The following TCF4 variants were observed in gnomAD, a reference collection of about 807,000 sequenced individuals.
TCF4 encodes SL3-3 enhancer factor 2.
Under a neutral mutation model 82.1 loss-of-function variants are expected in TCF4, and 3 were observed. The observed-to-expected ratio is 0.04, with a 90% CI of 0.02 to 0.09. The LOEUF is 0.09. TCF4 is among the 10% of genes least tolerant of loss of function. TCF4 has a pLI of 1.00. For synonymous variants in TCF4, 276 were observed against 309.6 expected (o/e 0.89, Z 1.14); for missense variants, 518 against 852.7 (o/e 0.61, Z 4.89).
At chr18:55,261,242 T>A (rs1460296522) in intron 12 of TCF4, 4 of 594,430 alleles carry the variant, frequency 6.7e-6, no homozygotes, top group Non-Finnish European at 1.2e-5. Flanking sequence ...ACATCCATAA[T>A]TGAGTGCAGC....
At chr18:55,501,256 A>G (rs1000869623) in intron 3 of TCF4, among the ~76,000 whole-genome samples, 2 of 152,136 alleles carry the variant, frequency 1.3e-5, no homozygotes, top group Non-Finnish European at 2.9e-5. Context: ...GCATTTATGC[A>G]GTTTCCAGTG....
intron 5 of TCF4, among the ~76,000 whole-genome samples, chr18:55,433,181 G>A (rs2095249295): frequency 6.6e-6 from 1 of 152,166 alleles, no homozygotes; most frequent in African/African-American, 2.4e-5. Context: ...GCAGAGTCTG[G>A]CAGAACTGTG....
rs573470826 is a variant in TCF4, at chr18:55,633,009, G to A, written c.196-1621C>T. On this transcript the variant is annotated intron_variant, in intron 1 of 20. Transcript: ENST00000398339. The surrounding 1 kb of genome is among the most constrained non-coding windows in gnomAD (Gnocchi z 4.0). ...GGTTGTATATTTGAGTCTTTGGTCA[G>A]TGGATGGTAAATGAAGGTTTTCTTA... Among the ~76,000 whole-genome samples the A allele has an allele frequency of 1.1e-4, 16 of 152,228 alleles. No individual in the cohort carries two copies. Among genetic ancestry groups the A allele is most frequent in the Non-Finnish European group, 2.2e-4 (15 of 68,036 alleles).
In TCF4 at chr18:55,254,731, T is replaced by G. The variant is rs757738749; in HGVS notation, c.1147-31A>C. The G allele has an allele frequency of 2.5e-6, 4 of 1,578,602 alleles. No homozygotes were observed. In the South Asian group the frequency reaches 4.6e-5, roughly 18 times the overall value. ...GGTTAACAAATGATGTAAAATTTGA[T>G]TTAGTTCAAAAGGGGTGCCTAAATT... On this transcript the variant is annotated intron_variant, in intron 14 of 19. Transcript: ENST00000354452.
At chr18:55,404,005 C>G (rs1283022662) in intron 5 of TCF4, 23 of 1,212,960 alleles carry the variant, frequency 1.9e-5, no homozygotes, top group Non-Finnish European at 2.4e-5. Flanking sequence ...CTCTCTCTCT[C>G]TCTCTTTTTT....
At chr18:55,473,885 C>T (rs1254103797) in intron 3 of TCF4, among the ~76,000 whole-genome samples, 3 of 152,132 alleles carry the variant, frequency 2.0e-5, no homozygotes, top group African/African-American at 4.8e-5. Context: ...TGGGTACTGG[C>T]ATAATAAGGA....
chr18:55,585,512 A>C, intron 2 of TCF4, 160 bp from the exon 3 acceptor site: 1 of 734,764 alleles, frequency 1.4e-6, no homozygotes, highest in Non-Finnish European at 2.3e-6. Context: ...AAGAGAAACA[A>C]CATTACAGAT....
At chr18:55,252,408 C>G (rs2055511735) in intron 15 of TCF4, among the ~76,000 whole-genome samples, 1 of 151,770 alleles carries the variant, frequency 6.6e-6, no homozygotes, top group Non-Finnish European at 1.5e-5. Flanking sequence ...AAAGGGGTTT[C>G]TATGTAATAT....
chr18:55,501,604 G>A (rs1603616093), intron 3 of TCF4, among the ~76,000 whole-genome samples: 1 of 151,772 alleles, frequency 6.6e-6, no homozygotes, highest in African/African-American at 2.4e-5. Context: ...TTTTAAAAGA[G>A]ACAGATATGA....
At position 55,587,068 on chromosome 18, in the gene TCF4, T is replaced by A. The variant is rs1003750969; in HGVS notation, c.49A>T (p.Ser17Cys). 1.9e-6 allele frequency: 3 copies of A among 1,613,866 alleles called. No individual in the cohort carries two copies. Among genetic ancestry groups the A allele is most frequent in the Non-Finnish European group, 1.7e-6 (2 of 1,179,960 alleles). Residue 17 changes from serine to cysteine, a missense_variant, in exon 2 of 20, where the codon AGT becomes TGT. Ser to Cys is a moderately radical substitution (Grantham distance 112). Around this residue, in one of 7 missense-constraint regions of TCF4, gnomAD observed 19 missense variants for 54.5 expected, o/e 0.35. Coordinates refer to ENST00000354452, the MANE Select transcript of TCF4 (RefSeq NM_001083962.2). ...ACCGCACTGAAATCCAGTAAATCAC[T>A]CAGCTCTTTGTCCGTCCCTAAGGCA... Reference protein sequence around the residue: ...MAALGTDKELSDLLDFSAMFS... With the variant: ...MAALGTDKELCDLLDFSAMFS...
chr18:55,525,272 C>T (rs576414393), intron 3 of TCF4, among the ~76,000 whole-genome samples: 1 of 151,864 alleles, frequency 6.6e-6, no homozygotes, highest in Non-Finnish European at 1.5e-5. Flanking sequence ...GACATCGCTT[C>T]TTCATTCCAC....
At chr18:55,516,756 T>C (rs1176889630) in intron 3 of TCF4, among the ~76,000 whole-genome samples, 1 of 152,148 alleles carries the variant, frequency 6.6e-6, no homozygotes, top group Non-Finnish European at 1.5e-5. Flanking sequence ...GGAGCTTGCA[T>C]GGTGCATTTG....
chr18:55,356,123 A>G (rs2083455801), intron 6 of TCF4, among the ~76,000 whole-genome samples: 1 of 152,212 alleles, frequency 6.6e-6, no homozygotes, highest in South Asian at 2.1e-4. Context: ...GCCAGGGTCC[A>G]GCACAGAGCT....
chr18:55,469,851 T>C (rs2096134035), intron 3 of TCF4, among the ~76,000 whole-genome samples: 1 of 152,192 alleles, frequency 6.6e-6, no homozygotes, highest in African/African-American at 2.4e-5. Context: ...TAGGGCAGGC[T>C]AGTATATTTG....
At chr18:55,315,231 T>C (rs953531703) in intron 8 of TCF4, among the ~76,000 whole-genome samples, 1 of 152,114 alleles carries the variant, frequency 6.6e-6, no homozygotes, top group African/African-American at 2.4e-5. Context: ...GCCCCCCTTT[T>C]TTAGGTGGGG....
intron 8 of TCF4, among the ~76,000 whole-genome samples, chr18:55,339,066 G>C (rs1241514949): frequency 6.6e-6 from 1 of 152,112 alleles, no homozygotes; most frequent in African/African-American, 2.4e-5. Context: ...TTCCTCATGT[G>C]AATGCTTTCC....
upstream of TCF4, among the ~76,000 whole-genome samples, chr18:55,590,292 C>G (rs569290657): frequency 9.8e-5 from 15 of 152,298 alleles, no homozygotes; most frequent in South Asian, 2.9e-3. Flanking sequence ...GAAAAGGCCT[C>G]TGGGCCAAGT....
chr18:55,235,823 A>G (rs2049196390), intron 15 of TCF4, among the ~76,000 whole-genome samples: 1 of 152,094 alleles, frequency 6.6e-6, no homozygotes, highest in Non-Finnish European at 1.5e-5. Context: ...TTTTTTTTCC[A>G]GTCAAAAATA....
intron 11 of TCF4, among the ~76,000 whole-genome samples, 174 bp from the exon 12 acceptor site, chr18:55,261,707 C>CT (rs1174569085): frequency 1.3e-5 from 2 of 152,110 alleles, no homozygotes; most frequent in African/African-American, 4.8e-5. Context: ...ATTCATGTTA[C>CT]TTTTTTACAG....
Sources: allele counts gnomAD v4.1 joint callset (sites outside exome capture counted in the v4.1 genomes callset), GRCh38; gene constraint gnomAD v4.1.1; regional missense constraint gnomAD v4.1.1; non-coding constraint Gnocchi (gnomAD v3.1); transcripts MANE v1.5; gene names NCBI Gene and HGNC (gene_info 2026-07-23, HGNC 2026-07-21).